The following LOC122394732 variants were observed in gnomAD, a reference collection of about 807,000 sequenced individuals.
chr9:87,956,319 T>A, the LOC122394732 span: 2 of 398,628 alleles, frequency 5.0e-6, no homozygotes, highest in Non-Finnish European at 8.8e-6. Flanking sequence ...TCCCTGTACC[T>A]GCGAAGGGCC....
At chr9:87,956,694 ACCT>A in the LOC122394732 span, 442 of 381,718 alleles carry the variant, frequency 1.2e-3, 2 homozygotes, top group African/African-American at 8.2e-3. Context: ...AATAAACAAA[ACCT>A]CCTACAAAAG....
chr9:87,956,577 G>A, the LOC122394732 span: 1 of 397,908 alleles, frequency 2.5e-6, no homozygotes, highest in Non-Finnish European at 4.4e-6. Flanking sequence ...GTCTCCTTCT[G>A]TATCTCTCTG....
the LOC122394732 span, chr9:87,956,622 C>G: frequency 7.6e-6 from 3 of 396,466 alleles, no homozygotes; most frequent in South Asian, 2.8e-4. Context: ...GCTACTGGGA[C>G]AAGCCAAAAA....
At chr9:87,956,745 A>T in the LOC122394732 span, 1 of 321,636 alleles carries the variant, frequency 3.1e-6, no homozygotes. Context: ...AGCTGATTCT[A>T]TTTCTTTACA....
At chr9:87,956,722 T>G in the LOC122394732 span, 146 of 316,118 alleles carry the variant, frequency 4.6e-4, no homozygotes, top group Middle Eastern at 2.6e-3. Flanking sequence ...AATAATGCGC[T>G]GATTTTTTTC....
chr9:87,956,792 C>G, the LOC122394732 span: 2 of 241,008 alleles, frequency 8.3e-6, no homozygotes, highest in Non-Finnish European at 1.6e-5. Context: ...GTGTTATTTT[C>G]TTACAGATTC....
At chr9:87,956,222 T>C in the LOC122394732 span, 1 of 398,530 alleles carries the variant, frequency 2.5e-6, no homozygotes, top group Non-Finnish European at 4.4e-6. Context: ...GCAGCCTCAC[T>C]GTCCTGTCTT....
the LOC122394732 span, chr9:87,956,347 A>G: frequency 1.0e-5 from 4 of 398,642 alleles, no homozygotes; most frequent in African/African-American, 4.1e-5. Context: ...ACAACCTTGG[A>G]GAGGAAAGGA....
chr9:87,956,687 A>G, the LOC122394732 span: 2 of 388,142 alleles, frequency 5.2e-6, no homozygotes, highest in Non-Finnish European at 9.1e-6. Context: ...CTAAAATAAT[A>G]AACAAAACCT....
At chr9:87,956,669 G>C in the LOC122394732 span, 1 of 393,320 alleles carries the variant, frequency 2.5e-6, no homozygotes, top group Non-Finnish European at 4.5e-6. Context: ...GACACAAATG[G>C]ACTGCCTCTA....
the LOC122394732 span, chr9:87,956,631 AAAG>A: frequency 1.3e-5 from 5 of 397,142 alleles, no homozygotes; most frequent in African/African-American, 1.0e-4. Flanking sequence ...ACAAGCCAAA[AAAG>A]AAAAAAAAGG....
the LOC122394732 span, chr9:87,956,334 T>C: frequency 5.0e-6 from 2 of 398,562 alleles, no homozygotes; most frequent in Non-Finnish European, 8.8e-6. Flanking sequence ...AGGGCCTTCG[T>C]GAACAACCTT....
the LOC122394732 span, chr9:87,956,281 G>A: frequency 3.3e-5 from 13 of 398,428 alleles, no homozygotes; most frequent in South Asian, 3.8e-4. Flanking sequence ...GCTTCGTAAC[G>A]AATAAGAGCG....
the LOC122394732 span, chr9:87,956,782 G>A: frequency 1.9e-5 from 5 of 258,858 alleles, no homozygotes; most frequent in East Asian, 6.7e-5. Flanking sequence ...TGCAGTGCAC[G>A]TGTTATTTTC....
chr9:87,956,719 C>T, the LOC122394732 span: 10 of 362,212 alleles, frequency 2.8e-5, no homozygotes, highest in Admixed American at 4.6e-5. Context: ...GAGAATAATG[C>T]GCTGATTTTT....
chr9:87,956,304 G>A, the LOC122394732 span: 1 of 398,510 alleles, frequency 2.5e-6, no homozygotes, highest in African/African-American at 2.1e-5. Flanking sequence ...TTCAAAGCAG[G>A]AGATTCCCTG....
the LOC122394732 span, chr9:87,956,250 G>A: frequency 2.5e-6 from 1 of 398,572 alleles, no homozygotes; most frequent in South Asian, 1.3e-4. Context: ...CTCCACCAAA[G>A]TGTGAACACA....
chr9:87,956,247 A>G, the LOC122394732 span: 2 of 398,604 alleles, frequency 5.0e-6, no homozygotes, highest in Admixed American at 8.8e-5. Context: ...ATCCTCCACC[A>G]AAGTGTGAAC....
the LOC122394732 span, chr9:87,956,702 CAA>C: frequency 2.6e-6 from 1 of 378,530 alleles, no homozygotes; most frequent in Non-Finnish European, 4.7e-6. Flanking sequence ...AAACCTCCTA[CAA>C]AAGAGAGAAT....
Sources: gnomAD v4.1 joint callset for allele counts on GRCh38, gnomAD v4.1.1 for gene constraint, MANE v1.5 for transcripts.